PHF19: variants seen among roughly 807,000 people sequenced by gnomAD.
PHF19 encodes the protein PHD finger protein 19.
Under a neutral mutation model 79.8 loss-of-function variants are expected in PHF19, and 21 were observed. That is an observed-to-expected ratio of 0.26 (90% CI 0.19 to 0.38). The LOEUF is 0.38. Among genes scored for constraint, PHF19 ranks in the 10% least tolerant of loss-of-function variants. The pLI, the probability that PHF19 is intolerant of heterozygous loss-of-function variation, is 1.00. For synonymous variants in PHF19, 273 were observed against 296.3 expected, an observed-to-expected ratio of 0.92 and a Z score of 0.81; for missense variants, 445 against 744.2, an observed-to-expected ratio of 0.60 and a Z score of 4.68.
chr9:120,887,182 C>T (rs1437448539), intron 1 of PHF19, among the ~76,000 whole-genome samples: 7 of 152,028 alleles, frequency 4.6e-5, no homozygotes, highest in Non-Finnish European at 7.4e-5. Flanking sequence ...TGGCTGGGTG[C>T]GGTGGCTCAC....
exon 1 of PHF19, chr9:120,894,834 C>T: frequency 8.1e-7 from 1 of 1,228,894 alleles, no homozygotes; most frequent in Non-Finnish European, 1.0e-6. Flanking sequence ...CAGCATAGTG[C>T]AGGGCACGTA....
chr9:120,897,995 A>T (rs914954372), upstream of PHF19, among the ~76,000 whole-genome samples: 1 of 151,840 alleles, frequency 6.6e-6, no homozygotes, highest in African/African-American at 2.4e-5. Flanking sequence ...AAAAAAAAAA[A>T]AAAAGAAATA....
chr9:120,879,192 G>A (rs1588129107), upstream of PHF19, among the ~76,000 whole-genome samples: 1 of 152,270 alleles, frequency 6.6e-6, no homozygotes, highest in East Asian at 1.9e-4. Context: ...TAGGTGTGCA[G>A]TAAGTGATCA....
In PHF19 at chr9:120,860,942, A is replaced by C; in HGVS notation, c.1304+147T>G. 1 of 634,586 alleles carries C rather than the reference A, an allele frequency of 1.6e-6. No homozygotes were observed. The highest frequency in any genetic ancestry group is 1.7e-5 in the South Asian group (1 of 58,444). The allele number at this position is 634,586 out of a possible 1,614,324, so 39.3% of individuals were successfully genotyped here. On this transcript the variant is annotated intron_variant, in intron 13 of 14. Coordinates refer to ENST00000373896, the MANE Select transcript of PHF19 (RefSeq NM_015651.3). This position sits in a 1 kb window ranked among gnomAD's most constrained non-coding sequence, Gnocchi z 4.1. ...GGGAGGGCTGTGGTGCTCTGGGAAC[A>C]GGGATGTTATGCTGAAAGCTCTACT... is the stretch of plus-strand genomic sequence containing the variant.
chr9:120,882,828 G>T (rs2046206141), intron 1 of PHF19, among the ~76,000 whole-genome samples: 1 of 121,434 alleles, frequency 8.2e-6, no homozygotes, highest in Non-Finnish European at 1.6e-5. Context: ...GGTGACAAGA[G>T]CAAAACTCCA....
At chr9:120,899,932 C>T in the PHF19 span, among the ~76,000 whole-genome samples, 5 of 152,188 alleles carry the variant, frequency 3.3e-5, no homozygotes, top group African/African-American at 9.7e-5. Context: ...TCAGCCCTGG[C>T]GTTGGTATCA....
At chr9:120,876,526 A>C (rs1375196091) in intron 1 of PHF19, 2 of 151,896 alleles carry the variant, frequency 1.3e-5, no homozygotes, top group Non-Finnish European at 2.9e-5. Flanking sequence ...ACCCATTTGC[A>C]AAGAAATGCC....
At chr9:120,881,192 G>A (rs1371423995), upstream of PHF19, among the ~76,000 whole-genome samples, 3 of 149,238 alleles carry the variant, frequency 2.0e-5, no homozygotes, top group Non-Finnish European at 4.4e-5. Context: ...CTGTTGCCCA[G>A]GCTGGAGTGC....
In PHF19 at chr9:120,870,725, G is replaced by A. The variant is rs1433777290; in HGVS notation, c.269-187C>T. Among the ~76,000 whole-genome samples the A allele has an allele frequency of 6.6e-6, 1 of 152,178 alleles. No homozygotes were observed. The highest frequency in any genetic ancestry group is 2.4e-5 in the African/African-American group (1 of 41,432). ...ACCATTCGAAAGATGGGGAAATTGAGGCTCTGAAAGGTTAAGTCCCTTGCT... is the reference window on the plus strand; with the variant it reads ...ACCATTCGAAAGATGGGGAAATTGAAGCTCTGAAAGGTTAAGTCCCTTGCT... On this transcript the variant is annotated intron_variant, in intron 3 of 14. Coordinates refer to ENST00000373896, the MANE Select transcript of PHF19 (RefSeq NM_015651.3). The surrounding 1 kb of genome is among the most constrained non-coding windows in gnomAD (Gnocchi z 4.4).
At chr9:120,867,016 T>A in intron 6 of PHF19, 51 bp from the exon 7 acceptor site, 1 of 1,094,822 alleles carries the variant, frequency 9.1e-7, no homozygotes, top group Non-Finnish European at 1.4e-6. Context: ...CCCAGTCAGG[T>A]ATGAGCTTCG....
intron 1 of PHF19, among the ~76,000 whole-genome samples, chr9:120,889,817 GAAA>G (rs1334670110): frequency 6.6e-6 from 1 of 151,506 alleles, no homozygotes; most frequent in Admixed American, 6.6e-5. Context: ...GAAAGAGAAA[GAAA>G]AAAGAGAAAA....
rs781176335 is a variant in PHF19 at position 120,857,979 on chromosome 9, A to G, written c.1708T>C (p.Tyr570His). 6.2e-7 allele frequency: 1 copy of G among 1,612,780 alleles called. No individual in the cohort carries two copies. The highest frequency in any genetic ancestry group is 8.5e-7 in the Non-Finnish European group (1 of 1,179,170). ...GTGGTCCCTTCCCACTCCACCAGGT[A>G]CTGAACCTTGCCCTCAGGTGTGACC... is the stretch of plus-strand genomic sequence containing the variant. The part of the protein sequence containing the change: ...RRVTPEGKVQ[Y>H]LVEWEGTTPY Residue 570 changes from tyrosine to histidine, a missense_variant, in exon 15 of 15, where the codon TAC (tyrosine) becomes CAC (histidine). Physicochemically the swap from Tyr to His is moderately conservative, Grantham distance 83 (BLOSUM62 2). Around this residue, in one of 5 missense-constraint regions of PHF19, gnomAD observed 20 missense variants for 47.6 expected, o/e 0.42. Transcript: ENST00000373896.
At chr9:120,883,892 C>A (rs572727974) in intron 1 of PHF19, among the ~76,000 whole-genome samples, 1 of 152,182 alleles carries the variant, frequency 6.6e-6, no homozygotes, top group South Asian at 2.1e-4. Flanking sequence ...GAGGGTCAGA[C>A]CACAATGACC....
the PHF19 span, among the ~76,000 whole-genome samples, chr9:120,899,933 G>A: frequency 2.0e-4 from 30 of 152,210 alleles, no homozygotes; most frequent in Admixed American, 6.5e-4. Flanking sequence ...CAGCCCTGGC[G>A]TTGGTATCAA....
chr9:120,885,646 A>C (rs974261407), intron 1 of PHF19, among the ~76,000 whole-genome samples: 4 of 151,716 alleles, frequency 2.6e-5, no homozygotes, highest in Non-Finnish European at 5.9e-5. Context: ...CGCATTCAAG[A>C]TGAAGTAGTA....
At chr9:120,901,701 C>G in the PHF19 span, among the ~76,000 whole-genome samples, 2 of 152,148 alleles carry the variant, frequency 1.3e-5, no homozygotes, top group Non-Finnish European at 2.9e-5. Flanking sequence ...CACCTTATGG[C>G]CAGACCCAGG....
Position 120,891,603 on chromosome 9 carries a change from G to T in PHF19, c.42+3185C>A, listed in dbSNP as rs868570373. On this transcript the variant is annotated intron_variant, in intron 1 of 14. Transcript: ENST00000616568. This position sits in a 1 kb window ranked among gnomAD's most constrained non-coding sequence, Gnocchi z 4.3. ...TCAAGACCCACCCAGCCACTTAGAG[G>T]AGCTGCACTCCAGGCACCTCGGGGA... Among the ~76,000 whole-genome samples the T allele has an allele frequency of 6.6e-6, 1 of 152,162 alleles. No individual in the cohort carries two copies. Among genetic ancestry groups the T allele is most frequent in the African/African-American group, 2.4e-5 (1 of 41,428 alleles).
chr9:120,894,795 C>G, exon 1 of PHF19: 1 of 1,230,022 alleles, frequency 8.1e-7, no homozygotes. Context: ...CACCTGGGCG[C>G]TGGGATAGGG....
rs900408781 is a variant in PHF19, at chr9:120,894,857, A to C, written c.-28T>G. 3.2e-5 allele frequency: 39 copies of C among 1,205,134 alleles called. No homozygotes were observed. The Admixed American group carries it at 1.6e-3, about 51-fold the overall frequency. 74.7% of individuals were successfully genotyped at this position (1,205,134 alleles called of 1,614,324 possible). ...TGCAGGGCACGTAGGAGGCATCCGGAGGCTTTGATGAATGAATGCTAAATA... is the reference window on the plus strand; with the variant it reads ...TGCAGGGCACGTAGGAGGCATCCGGCGGCTTTGATGAATGAATGCTAAATA... On this transcript the variant is annotated 5_prime_UTR_variant, in exon 1 of 15. Transcript: ENST00000616568.
Sources: gnomAD v4.1 joint callset for allele counts (sites outside exome capture counted in the v4.1 genomes callset) on GRCh38, gnomAD v4.1.1 for gene constraint, gnomAD v4.1.1 regional missense constraint, Gnocchi (gnomAD v3.1) non-coding constraint, MANE v1.5 for transcripts, NCBI Gene and HGNC (gene_info 2026-07-23, HGNC 2026-07-21) for gene names.